The following KCMF1 variants were observed in gnomAD, a reference collection of about 807,000 sequenced individuals.
The protein encoded by KCMF1 is E3 ubiquitin-protein ligase KCMF1.
A neutral mutation model predicts 41.1 loss-of-function variants in KCMF1; 3 were observed. That is an observed-to-expected ratio of 0.07 (90% CI 0.03 to 0.19). The LOEUF is 0.19. Ranked by LOEUF, KCMF1 falls within the 10% of genes least tolerant of loss-of-function variation. The pLI, the probability that KCMF1 is intolerant of heterozygous loss-of-function variation, is 1.00. For synonymous variants in KCMF1, 142 were observed against 164.5 expected, an observed-to-expected ratio of 0.86 and a Z score of 1.04; for missense variants, 286 against 488.9, an observed-to-expected ratio of 0.58 and a Z score of 3.91.
intron 3 of KCMF1, among the ~76,000 whole-genome samples, chr2:85,039,041 A>T (rs1327291974): frequency 6.6e-6 from 1 of 152,188 alleles, no homozygotes; most frequent in Non-Finnish European, 1.5e-5. Flanking sequence ...CCCAGTTTTT[A>T]AAAAGAGATG....
chr2:84,985,467 C>T (rs1296187022), intron 1 of KCMF1, among the ~76,000 whole-genome samples: 1 of 152,212 alleles, frequency 6.6e-6, no homozygotes, highest in Admixed American at 6.5e-5. Context: ...CTCTATTACT[C>T]TATTTAACTG....
chr2:84,989,516 C>A (rs1397340922), intron 1 of KCMF1, among the ~76,000 whole-genome samples: 1 of 152,056 alleles, frequency 6.6e-6, no homozygotes, highest in Non-Finnish European at 1.5e-5. Flanking sequence ...TGAAAGATAG[C>A]ACTTTGGAGG....
intron 3 of KCMF1, 78 bp downstream of exon 3, chr2:85,035,233 TGTC>T: frequency 8.3e-7 from 1 of 1,205,442 alleles, no homozygotes. Flanking sequence ...GCTAGGTCAC[TGTC>T]ATCTGCTTCC....
intron 2 of KCMF1, among the ~76,000 whole-genome samples, chr2:85,029,280 T>C (rs1371662326): frequency 6.6e-6 from 1 of 152,062 alleles, no homozygotes; most frequent in Non-Finnish European, 1.5e-5. Context: ...GCTTTTGTAG[T>C]GACCAGAAAA....
At chr2:85,002,400 T>C (rs1425064399) in intron 1 of KCMF1, among the ~76,000 whole-genome samples, 1 of 152,226 alleles carries the variant, frequency 6.6e-6, no homozygotes, top group Non-Finnish European at 1.5e-5. Context: ...GCCTCCTTGT[T>C]AGCTTACTTT....
Position 85,057,480 on chromosome 2 carries a change from G to C in KCMF1, c.*4071G>C, listed in dbSNP as rs1558591135. On this transcript the variant is annotated 3_prime_UTR_variant, in exon 7 of 7. Coordinates refer to ENST00000409785, the MANE Select transcript of KCMF1 (RefSeq NM_020122.5). The stretch of plus-strand genomic sequence containing the variant: ...GTGCAGGATGGAGCAGCAGTCTGCA[G>C]ACTTTCAGGTTGTGACGATGTCATG... 6.6e-6 allele frequency: 1 copy of C among 152,236 alleles called. No individual in the cohort carries two copies. Among genetic ancestry groups the C allele is most frequent in the East Asian group, 1.9e-4 (1 of 5,196 alleles). 9.4% of individuals were successfully genotyped at this position (152,236 alleles called of 1,614,324 possible).
intron 4 of KCMF1, among the ~76,000 whole-genome samples, chr2:85,045,285 A>C (rs1476707218): frequency 1.3e-5 from 2 of 151,956 alleles, no homozygotes; most frequent in African/African-American, 2.4e-5. Context: ...AAAATTATCA[A>C]ATATATAAAT....
chr2:85,052,499 C>G (rs893474939), intron 6 of KCMF1, among the ~76,000 whole-genome samples: 1 of 152,194 alleles, frequency 6.6e-6, no homozygotes, highest in African/African-American at 2.4e-5. Context: ...AGTCTCTGTG[C>G]AGATGAGCCA....
chr2:85,044,402 T>C (rs1267118024), intron 4 of KCMF1, among the ~76,000 whole-genome samples: 1 of 151,894 alleles, frequency 6.6e-6, no homozygotes, highest in Non-Finnish European at 1.5e-5. Flanking sequence ...AAAGTCGGAG[T>C]CTTGCTCTGT....
chr2:84,971,537 G>A, intron 1 of KCMF1, 70 bp downstream of exon 1: 1 of 921,008 alleles, frequency 1.1e-6, no homozygotes, highest in Non-Finnish European at 1.4e-6. Flanking sequence ...CGGGCGCGGC[G>A]GAGGGCGGCC....
chr2:85,041,870 A>G (rs1056920210), intron 3 of KCMF1, among the ~76,000 whole-genome samples: 3 of 151,862 alleles, frequency 2.0e-5, no homozygotes, highest in Admixed American at 2.0e-4. Flanking sequence ...TTAGCTAGGT[A>G]AGACCAGAAG....
chr2:85,051,455 A>G (rs1675806907), intron 6 of KCMF1, among the ~76,000 whole-genome samples: 1 of 134,724 alleles, frequency 7.4e-6, no homozygotes, highest in South Asian at 2.2e-4. Flanking sequence ...GACCCAAACT[A>G]CTCAGCTTGA....
intron 1 of KCMF1, among the ~76,000 whole-genome samples, chr2:84,993,902 TTTTTG>T (rs199701778): frequency 0.31 from 42,255 of 134,876 alleles, 7,174 homozygotes; most frequent in Non-Finnish European, 0.37. Context: ...GTTTGAACAT[TTTTTG>T]TTTTGTTTTG....
intron 1 of KCMF1, among the ~76,000 whole-genome samples, chr2:85,008,382 T>G (rs9677103): frequency 2.3e-4 from 2 of 8,816 alleles, no homozygotes; most frequent in African/African-American, 8.7e-4. Flanking sequence ...TATGATATAT[T>G]ATATATGATA....
intron 1 of KCMF1, among the ~76,000 whole-genome samples, chr2:84,991,749 G>A (rs376938624): frequency 1.3e-5 from 2 of 152,146 alleles, no homozygotes; most frequent in Non-Finnish European, 2.9e-5. Flanking sequence ...GAAATCAGCC[G>A]CAACAGCCTC....
At chr2:84,981,203 T>A (rs1444154300) in intron 1 of KCMF1, among the ~76,000 whole-genome samples, 2 of 151,944 alleles carry the variant, frequency 1.3e-5, no homozygotes, top group Non-Finnish European at 1.5e-5. Context: ...TTTTTTTTTT[T>A]TTTTGAGACA....
intron 1 of KCMF1, among the ~76,000 whole-genome samples, chr2:85,018,267 A>ATTTTTTTT (rs373718008): frequency 7.9e-6 from 1 of 126,888 alleles, no homozygotes. Context: ...ACTAAGCTAG[A>ATTTTTTTT]TTTTTTTTTT....
intron 1 of KCMF1, among the ~76,000 whole-genome samples, chr2:84,985,092 C>A (rs1000559633): frequency 1.3e-5 from 2 of 151,942 alleles, no homozygotes; most frequent in African/African-American, 2.4e-5. Flanking sequence ...AAAAAAAATA[C>A]GACTGAGGAT....
In KCMF1 at chr2:85,008,309, T is replaced by G. The variant is rs1473284512; in HGVS notation, c.17-19580T>G. Among the ~76,000 whole-genome samples, 8 of 71,070 alleles carry G rather than the reference T, an allele frequency of 1.1e-4. No homozygotes were observed. The South Asian group carries it at 3.0e-3, about 26-fold the overall frequency. 46.6% of individuals were successfully genotyped at this position (71,070 alleles called of 152,430 possible). A position where few individuals can be genotyped will look rare whatever the true frequency, so the allele number is the denominator to read the frequency against. ...TATATAATATATATAATATATAATA[T>G]GATATATATATCATATATAATATAT... On this transcript the variant is annotated intron_variant, in intron 1 of 6. Transcript: ENST00000409785.
Sources: gnomAD v4.1 joint callset for allele counts (sites outside exome capture counted in the v4.1 genomes callset) on GRCh38, gnomAD v4.1.1 for gene constraint, MANE v1.5 for transcripts, NCBI Gene and HGNC (gene_info 2026-07-23, HGNC 2026-07-21) for gene names.